The following SDK1 variants were observed in gnomAD, a reference collection of about 807,000 sequenced individuals.
SDK1 encodes protein sidekick-1.
In SDK1, 157 loss-of-function variants were observed where a neutral mutation model predicts 245.5. The ratio of observed to expected loss-of-function variants is 0.64; its 90% CI spans 0.56 to 0.73. SDK1 has a LOEUF of 0.73. Ranked by LOEUF, SDK1 falls within the 30% of genes least tolerant of loss-of-function variation. The pLI is 0.00. For synonymous variants in SDK1, 1,647 were observed against 1,278.5 expected (o/e 1.29, Z -6.15); for missense variants, 3,583 against 3,002.3 (o/e 1.19, Z -4.52).
At chr7:3,825,135 A>G (rs181390323) in intron 5 of SDK1, among the ~76,000 whole-genome samples, 1 of 152,264 alleles carries the variant, frequency 6.6e-6, no homozygotes. Context: ...TCAGGTGCAC[A>G]CCAGAAAAAG....
At chr7:3,508,841 G>A (rs906630875) in intron 1 of SDK1, among the ~76,000 whole-genome samples, 2 of 152,166 alleles carry the variant, frequency 1.3e-5, no homozygotes, top group Non-Finnish European at 2.9e-5. Context: ...ATCAGTAGGT[G>A]CTCAATAAGT....
chr7:3,602,800 A>G (rs1292029847), intron 1 of SDK1, among the ~76,000 whole-genome samples: 1 of 152,184 alleles, frequency 6.6e-6, no homozygotes, highest in South Asian at 2.1e-4. Context: ...TAGGGTTTTT[A>G]TAGTTTTAGG....
chr7:4,114,459 C>T (rs1162107790), intron 25 of SDK1, among the ~76,000 whole-genome samples, 185 bp downstream of exon 25: 1 of 152,126 alleles, frequency 6.6e-6, no homozygotes, highest in African/African-American at 2.4e-5. Flanking sequence ...TCATTAGGGC[C>T]CCAAGCCATT....
intron 1 of SDK1, among the ~76,000 whole-genome samples, chr7:3,453,307 G>A (rs1780574032): frequency 6.6e-6 from 1 of 152,172 alleles, no homozygotes; most frequent in Non-Finnish European, 1.5e-5. Flanking sequence ...CAGAGCCCTG[G>A]TCCCCTGAAT....
intron 1 of SDK1, among the ~76,000 whole-genome samples, chr7:3,419,397 C>T (rs1779473533): frequency 6.6e-6 from 1 of 152,132 alleles, no homozygotes; most frequent in African/African-American, 2.4e-5. Flanking sequence ...CCCTTTTGCT[C>T]ATGTTCTCCT....
intron 1 of SDK1, among the ~76,000 whole-genome samples, chr7:3,462,721 C>G (rs1780871546): frequency 6.6e-6 from 1 of 152,094 alleles, no homozygotes; most frequent in Non-Finnish European, 1.5e-5. Context: ...CCTCAAACAC[C>G]TCTGTGATCT....
At chr7:3,765,873 G>C (rs1780238870) in intron 4 of SDK1, among the ~76,000 whole-genome samples, 2 of 152,262 alleles carry the variant, frequency 1.3e-5, no homozygotes, top group African/African-American at 2.4e-5. Flanking sequence ...TAAAAAGCAA[G>C]GGAATATTGA....
At chr7:4,005,393 AGTGTGTGTGTGTGTGT>A (rs71032920) in intron 14 of SDK1, among the ~76,000 whole-genome samples, 77 of 129,902 alleles carry the variant, frequency 5.9e-4, no homozygotes, top group Middle Eastern at 3.8e-3. Context: ...TTCTTATGTG[AGTGTGTGTGTGTGTGT>A]GTGTGTGTGT....
intron 40 of SDK1, among the ~76,000 whole-genome samples, chr7:4,223,981 G>A (rs1246892877): frequency 1.3e-5 from 2 of 152,152 alleles, no homozygotes; most frequent in African/African-American, 2.4e-5. Context: ...TTTGAGTTGT[G>A]CTGGGATAAC....
intron 4 of SDK1, among the ~76,000 whole-genome samples, chr7:3,799,792 T>G (rs1779061894): frequency 6.6e-6 from 1 of 152,130 alleles, no homozygotes; most frequent in Admixed American, 6.6e-5. Flanking sequence ...TGAGTTTACT[T>G]GCTCCTCCAA....
intron 4 of SDK1, among the ~76,000 whole-genome samples, chr7:3,660,864 A>G (rs1168117366): frequency 6.6e-6 from 1 of 152,234 alleles, no homozygotes; most frequent in East Asian, 1.9e-4. Context: ...AGACTTGCCC[A>G]TTCATTATTA....
intron 1 of SDK1, among the ~76,000 whole-genome samples, chr7:3,347,959 T>C (rs767059724): frequency 6.6e-6 from 1 of 152,150 alleles, no homozygotes; most frequent in Non-Finnish European, 1.5e-5. Context: ...TAAGTGTAAG[T>C]ATTTTGCTTC....
chr7:3,676,628 T>TAGA (rs1783913416), intron 4 of SDK1, among the ~76,000 whole-genome samples: 1 of 152,216 alleles, frequency 6.6e-6, no homozygotes, highest in Non-Finnish European at 1.5e-5. Context: ...CCTTGCCCTC[T>TAGA]TCTAATATTT....
intron 4 of SDK1, among the ~76,000 whole-genome samples, chr7:3,686,715 G>T (rs1784293887): frequency 6.6e-6 from 1 of 152,182 alleles, no homozygotes; most frequent in African/African-American, 2.4e-5. Context: ...GAAGGAGAAG[G>T]CCAGGCCACC....
At chr7:3,584,213 T>C (rs1314328048) in intron 1 of SDK1, among the ~76,000 whole-genome samples, 1 of 152,174 alleles carries the variant, frequency 6.6e-6, no homozygotes, top group Non-Finnish European at 1.5e-5. Context: ...CTTAATATGC[T>C]TTGTGACTGT....
At chr7:4,053,418 G>T (rs1779008744) in intron 19 of SDK1, among the ~76,000 whole-genome samples, 1 of 151,942 alleles carries the variant, frequency 6.6e-6, no homozygotes, top group Admixed American at 6.6e-5. Flanking sequence ...CCGTCATCCT[G>T]TTCCCTTCTT....
chr7:3,356,854 A>G (rs979284560), intron 1 of SDK1, among the ~76,000 whole-genome samples: 3 of 151,916 alleles, frequency 2.0e-5, no homozygotes, highest in Admixed American at 6.6e-5. Flanking sequence ...TCAGGAGTTC[A>G]AGACCAGCCT....
intron 35 of SDK1, among the ~76,000 whole-genome samples, chr7:4,194,744 A>C (rs60662891): frequency 0.012 from 1,793 of 152,252 alleles, 42 homozygotes; most frequent in African/African-American, 0.041. Context: ...ACACCACATT[A>C]AGGGTGGGTC....
At chr7:3,329,873 A>G (rs1448723637) in intron 1 of SDK1, among the ~76,000 whole-genome samples, 5 of 152,226 alleles carry the variant, frequency 3.3e-5, no homozygotes, top group Admixed American at 6.5e-5. Flanking sequence ...TAGGTATTAT[A>G]AGTAATCTAG....
Sources: gnomAD v4.1 joint callset for allele counts (sites outside exome capture counted in the v4.1 genomes callset) on GRCh38, gnomAD v4.1.1 for gene constraint, MANE v1.5 for transcripts, NCBI Gene and HGNC (gene_info 2026-07-23, HGNC 2026-07-21) for gene names.